Variants in COL25A1 observed in about 807,000 individuals in gnomAD.
The protein encoded by COL25A1 is collagen type XXV alpha 1 chain.
Under a neutral mutation model 128.4 loss-of-function variants are expected in COL25A1, and 103 were observed. That is an observed-to-expected ratio of 0.80 (90% confidence interval 0.68 to 0.94). The LOEUF is 0.94. Among genes scored for constraint, COL25A1 ranks in the 40% least tolerant of loss-of-function variants. The pLI is 0.00. For synonymous variants in COL25A1, 279 were observed against 277.2 expected (o/e 1.01, Z -0.06); for missense variants, 745 against 840.0 (o/e 0.89, Z 1.40).
chr4:109,115,193 C>T (rs1405359315), intron 3 of COL25A1, among the ~76,000 whole-genome samples: 2 of 152,054 alleles, frequency 1.3e-5, no homozygotes, highest in Non-Finnish European at 2.9e-5. Flanking sequence ...AATAACCCCA[C>T]ACTTGATACT....
At position 108,863,426 on chromosome 4, in the gene COL25A1, C is replaced by G. The variant is rs750183844; in HGVS notation, c.1084-39G>C. The G allele has an allele frequency of 4.5e-6, 7 of 1,556,514 alleles. No homozygotes were observed. In the Admixed American group the frequency reaches 1.3e-4, roughly 29 times the overall value. On this transcript the variant is annotated intron_variant, in intron 20 of 37. Transcript: ENST00000399132. ...CAAAACAGGTAAATGGTCATTCCCC[C>G]CACCCAGGCTGGTCCCTGTAGATTA...
intron 32 of COL25A1, among the ~76,000 whole-genome samples, chr4:108,831,162 G>GTT (rs72007836): frequency 3.3e-5 from 5 of 150,746 alleles, no homozygotes; most frequent in Middle Eastern, 3.4e-3. Context: ...AAGAATAGCT[G>GTT]TTTTTTTTGC....
intron 15 of COL25A1, among the ~76,000 whole-genome samples, chr4:108,897,190 T>C (rs1179454050): frequency 1.3e-5 from 2 of 152,186 alleles, no homozygotes; most frequent in African/African-American, 4.8e-5. Flanking sequence ...GGCCTCAAAG[T>C]ACAGGACAGG....
intron 19 of COL25A1, among the ~76,000 whole-genome samples, chr4:108,878,084 T>C (rs1314060728): frequency 1.3e-5 from 2 of 152,178 alleles, no homozygotes; most frequent in Admixed American, 1.3e-4. Context: ...CTCTATAAAC[T>C]TGCAGAATTT....
At chr4:108,842,049 T>C (rs1439374634) in intron 30 of COL25A1, among the ~76,000 whole-genome samples, 1 of 152,134 alleles carries the variant, frequency 6.6e-6, no homozygotes, top group Non-Finnish European at 1.5e-5. Flanking sequence ...GAGTGGAATA[T>C]GTGAGATGCT....
intron 8 of COL25A1, among the ~76,000 whole-genome samples, chr4:108,972,916 A>G (rs1472544083): frequency 6.6e-6 from 1 of 152,318 alleles, no homozygotes; most frequent in Non-Finnish European, 1.5e-5. Flanking sequence ...GCCTAGCTTT[A>G]TAATCAATCA....
rs954604604 is a variant in COL25A1, at chr4:109,099,939, T to C, written c.368-49760A>G. Among the ~76,000 whole-genome samples, 28 of 152,198 alleles carry C rather than the reference T, an allele frequency of 1.8e-4. 1 individual carries two copies. Among genetic ancestry groups the C allele is most frequent in the East Asian group, 1.9e-4 (1 of 5,186 alleles). ...AGATATGATTTTTTTCACCTCCAAA[T>C]TGGCAGATAAAAAATAATAGCATCA... On this transcript the variant is annotated intron_variant, in intron 3 of 37. Transcript: ENST00000399132.
rs574501965 is a variant in COL25A1 at position 108,895,808 on chromosome 4, G to A, written c.906+859C>T. Among the ~76,000 whole-genome samples the A allele has an allele frequency of 2.0e-5, 3 of 151,848 alleles. No individual in the cohort carries two copies. The East Asian group carries it at 5.8e-4, about 29-fold the overall frequency. On this transcript the variant is annotated intron_variant, in intron 16 of 37. Coordinates refer to ENST00000399132, the MANE Select transcript of COL25A1 (RefSeq NM_198721.4). ...CTTTAGTGGCGAGTTCCGAGATTTT[G>A]GTGCACCCATCACCCAAGCAATGTA...
chr4:109,072,947 ATGGCTTATTC>A (rs1002649963), intron 3 of COL25A1, among the ~76,000 whole-genome samples: 8 of 152,158 alleles, frequency 5.3e-5, no homozygotes, highest in Admixed American at 2.6e-4. Context: ...GTGGGATTTA[ATGGCTTATTC>A]CATTCCTCCA....
intron 3 of COL25A1, among the ~76,000 whole-genome samples, chr4:109,148,655 T>G (rs1389863799): frequency 6.6e-6 from 1 of 152,132 alleles, no homozygotes; most frequent in Admixed American, 6.5e-5. Context: ...TTGCAATAAT[T>G]CTATTTCTCA....
At chr4:108,974,329 A>G (rs2125988542) in intron 8 of COL25A1, 38 bp downstream of exon 8, 1 of 1,609,430 alleles carries the variant, frequency 6.2e-7, no homozygotes, top group Non-Finnish European at 8.5e-7. Context: ...GGAGTTAGAA[A>G]CTAATTTTCC....
At chr4:109,232,561 CAAT>C (rs1779229717) in intron 3 of COL25A1, among the ~76,000 whole-genome samples, 1 of 152,056 alleles carries the variant, frequency 6.6e-6, no homozygotes, top group African/African-American at 2.4e-5. Context: ...GAATGTTAGC[CAAT>C]AATAATTTCC....
chr4:109,225,578 G>A (rs1172867592), intron 3 of COL25A1, among the ~76,000 whole-genome samples: 1 of 152,088 alleles, frequency 6.6e-6, no homozygotes, highest in Non-Finnish European at 1.5e-5. Flanking sequence ...ACTACCATTT[G>A]ATACAGCAAT....
intron 3 of COL25A1, among the ~76,000 whole-genome samples, chr4:109,188,830 G>T (rs1156906846): frequency 1.3e-5 from 2 of 151,866 alleles, no homozygotes; most frequent in Non-Finnish European, 2.9e-5. Flanking sequence ...TCATGAAAAG[G>T]GAATCCAGAA....
At chr4:109,110,687 C>T (rs1425208266) in intron 3 of COL25A1, among the ~76,000 whole-genome samples, 1 of 152,078 alleles carries the variant, frequency 6.6e-6, no homozygotes, top group Non-Finnish European at 1.5e-5. Context: ...CCTTTTCCTG[C>T]TCCTCTTCAT....
At chr4:109,146,078 A>G (rs1560768073) in intron 3 of COL25A1, among the ~76,000 whole-genome samples, 1 of 152,196 alleles carries the variant, frequency 6.6e-6, no homozygotes, top group Non-Finnish European at 1.5e-5. Context: ...TAAATTCTTC[A>G]TTAACATTTT....
intron 20 of COL25A1, among the ~76,000 whole-genome samples, chr4:108,864,118 A>G (rs565175252): frequency 6.6e-6 from 1 of 152,306 alleles, no homozygotes; most frequent in African/African-American, 2.4e-5. Context: ...CTTGACTAAT[A>G]TGCAATTATC....
intron 3 of COL25A1, among the ~76,000 whole-genome samples, chr4:109,183,906 A>G (rs1325756035): frequency 4.6e-5 from 7 of 150,556 alleles, no homozygotes; most frequent in Non-Finnish European, 8.8e-5. Flanking sequence ...TTATACCTTT[A>G]AAACACACAC....
intron 5 of COL25A1, among the ~76,000 whole-genome samples, chr4:109,034,197 CA>C (rs1392360674): frequency 1.3e-5 from 2 of 152,106 alleles, no homozygotes; most frequent in Non-Finnish European, 2.9e-5. Context: ...GCTCTGCATA[CA>C]GAAACAGAAT....
Sources: gnomAD v4.1 joint callset for allele counts (sites outside exome capture counted in the v4.1 genomes callset) on GRCh38, gnomAD v4.1.1 for gene constraint, MANE v1.5 for transcripts, NCBI Gene and HGNC (gene_info 2026-07-23, HGNC 2026-07-21) for gene names.